DLG1: variants seen among roughly 807,000 people sequenced by gnomAD.
DLG1 encodes discs large MAGUK scaffold protein 1, also known as disks large homolog 1.
Under a neutral mutation model 123.4 loss-of-function variants are expected in DLG1, and 42 were observed. The ratio of observed to expected loss-of-function variants is 0.34; its 90% CI spans 0.27 to 0.44. The LOEUF is 0.44. Ranked by LOEUF, DLG1 falls within the 20% of genes least tolerant of loss-of-function variation. The pLI is 1.00. For synonymous variants in DLG1, 317 were observed against 356.2 expected (o/e 0.89, Z 1.24); for missense variants, 942 against 1,082.6 (o/e 0.87, Z 1.82).
intron 4 of DLG1, among the ~76,000 whole-genome samples, chr3:197,269,859 G>A (rs9835372): frequency 0.17 from 25,504 of 152,136 alleles, 2,368 homozygotes; most frequent in African/African-American, 0.24. Context: ...TGTGGAACAC[G>A]TGAGTTTAAG....
chr3:197,183,604 A>C, intron 5 of DLG1: 1 of 1,550,482 alleles, frequency 6.4e-7, no homozygotes, highest in Non-Finnish European at 8.7e-7. Context: ...ACCGAGATGC[A>C]GTCAATAAAG....
At chr3:197,293,266 A>C (rs1349386960) in intron 3 of DLG1, among the ~76,000 whole-genome samples, 1 of 152,214 alleles carries the variant, frequency 6.6e-6, no homozygotes, top group African/African-American at 2.4e-5. Context: ...AACTTTAAAT[A>C]TTTAGCTCTA....
At chr3:197,150,784 A>G (rs1242819718) in intron 5 of DLG1, among the ~76,000 whole-genome samples, 1 of 152,066 alleles carries the variant, frequency 6.6e-6, no homozygotes, top group Non-Finnish European at 1.5e-5. Context: ...TTCAAATAAC[A>G]CATTATTTTC....
intron 4 of DLG1, among the ~76,000 whole-genome samples, chr3:197,233,391 T>TA (rs1744264991): frequency 6.6e-6 from 1 of 152,188 alleles, no homozygotes; most frequent in Non-Finnish European, 1.5e-5. Context: ...TTTAAAAACT[T>TA]AAATTCTTTT....
At chr3:197,171,630 T>A (rs1431645786) in intron 5 of DLG1, among the ~76,000 whole-genome samples, 2 of 152,196 alleles carry the variant, frequency 1.3e-5, no homozygotes, top group Non-Finnish European at 1.5e-5. Flanking sequence ...TCTCTACCTG[T>A]GAGACTCACA....
chr3:197,057,856 T>C (rs978039498), intron 23 of DLG1, among the ~76,000 whole-genome samples: 1 of 152,224 alleles, frequency 6.6e-6, no homozygotes, highest in Non-Finnish European at 1.5e-5. Context: ...TAATGGTTTA[T>C]TGTATTTTAT....
chr3:197,170,510 C>T (rs981889865), intron 5 of DLG1, among the ~76,000 whole-genome samples: 8 of 152,030 alleles, frequency 5.3e-5, no homozygotes, highest in East Asian at 1.9e-4. Flanking sequence ...TGATCAGTGA[C>T]GCTAAGCTCT....
chr3:197,089,445 T>G (rs1756397666), intron 15 of DLG1, among the ~76,000 whole-genome samples: 1 of 151,656 alleles, frequency 6.6e-6, no homozygotes, highest in South Asian at 2.1e-4. Flanking sequence ...AAGGATCCCT[T>G]GAACCCGGGA....
Position 197,126,467 on chromosome 3 carries a change from T to TAA in DLG1, c.1165+4058_1165+4059dup, listed in dbSNP as rs199610067. ...GGGCAACAAGAGCGAAACTCCATCT[T>TAA]AAAAAAAAAAAACAACATAATCATA... On this transcript the variant is annotated intron_variant, in intron 11 of 24. Coordinates refer to ENST00000667157, the MANE Select transcript of DLG1 (RefSeq NM_001366207.1). 8.5e-3 allele frequency among the ~76,000 whole-genome samples: 1,212 copies of TAA among 142,404 alleles called. 13 individuals are homozygous for TAA. The highest frequency in any genetic ancestry group is 0.028 in the African/African-American group (1,100 of 38,938). 93.4% of individuals were successfully genotyped at this position (142,404 alleles called of 152,430 possible).
intron 4 of DLG1, among the ~76,000 whole-genome samples, chr3:197,227,200 T>A (rs1740396153): frequency 6.6e-6 from 1 of 152,138 alleles, no homozygotes; most frequent in African/African-American, 2.4e-5. Context: ...CTGTCAACTT[T>A]TACAAAACTG....
intron 5 of DLG1, chr3:197,161,634 A>G: frequency 7.0e-7 from 1 of 1,438,634 alleles, no homozygotes; most frequent in Non-Finnish European, 9.2e-7. Flanking sequence ...AGAAACTAAT[A>G]AAAACCTGTG....
At position 197,140,183 on chromosome 3, in the gene DLG1, T is replaced by G; in HGVS notation, c.670A>C (p.Lys224Gln). The change falls in exon 8 of 25, where the codon AAA (lysine) becomes CAA (glutamine). Residue 224 changes from lysine to glutamine, a missense_variant. Coordinates refer to ENST00000667157, the MANE Select transcript of DLG1 (RefSeq NM_001366207.1). ...GCGGCTGCTCCCCCTGTGATAATTTTGGTAATGAAAATACTTGAGTCATCT... is the reference window on the plus strand; with the variant it reads ...GCGGCTGCTCCCCCTGTGATAATTTGGGTAATGAAAATACTTGAGTCATCT... ...IGDDSSIFIT[K>Q]IITGGAAAQD... 1.2e-6 allele frequency: 2 copies of G among 1,613,578 alleles called. No individual in the cohort carries two copies. Among genetic ancestry groups the G allele is most frequent in the Non-Finnish European group, 1.7e-6 (2 of 1,179,706 alleles).
At chr3:197,217,865 T>G (rs1028690264) in intron 4 of DLG1, among the ~76,000 whole-genome samples, 1 of 152,152 alleles carries the variant, frequency 6.6e-6, no homozygotes, top group African/African-American at 2.4e-5. Flanking sequence ...TTGATTATAG[T>G]GATGGTTTCA....
chr3:197,193,738 A>G (rs1435507550), intron 5 of DLG1, among the ~76,000 whole-genome samples: 1 of 152,152 alleles, frequency 6.6e-6, no homozygotes, highest in Non-Finnish European at 1.5e-5. Context: ...GGGTAAATAT[A>G]CTCAGGATTA....
intron 11 of DLG1, among the ~76,000 whole-genome samples, chr3:197,121,077 A>C (rs1394003198): frequency 6.6e-6 from 1 of 151,966 alleles, no homozygotes; most frequent in East Asian, 1.9e-4. Flanking sequence ...GAAACAAAAA[A>C]AACAACTAGA....
intron 24 of DLG1, among the ~76,000 whole-genome samples, chr3:197,050,811 T>C (rs548499064): frequency 2.4e-4 from 37 of 152,190 alleles, no homozygotes; most frequent in Non-Finnish European, 3.5e-4. Flanking sequence ...CACAAAATGG[T>C]AACTGTGTGG....
intron 11 of DLG1, among the ~76,000 whole-genome samples, chr3:197,127,609 G>A (rs1395349117): frequency 6.7e-6 from 1 of 149,602 alleles, no homozygotes; most frequent in Non-Finnish European, 1.5e-5. Context: ...AAGATAAATA[G>A]TATCTCTCCT....
At chr3:197,088,787 T>C (rs1426246627) in intron 15 of DLG1, among the ~76,000 whole-genome samples, 1 of 152,082 alleles carries the variant, frequency 6.6e-6, no homozygotes, top group Non-Finnish European at 1.5e-5. Flanking sequence ...GTAGTAAGAA[T>C]ATGAAAAATC....
At chr3:197,162,403 G>C (rs548839606) in intron 5 of DLG1, among the ~76,000 whole-genome samples, 1 of 152,032 alleles carries the variant, frequency 6.6e-6, no homozygotes, top group Non-Finnish European at 1.5e-5. Context: ...TTAGTAATAA[G>C]ACCCATTTGC....
Sources: allele counts gnomAD v4.1 joint callset (sites outside exome capture counted in the v4.1 genomes callset), GRCh38; gene constraint gnomAD v4.1.1; transcripts MANE v1.5; gene names NCBI Gene and HGNC (gene_info 2026-07-23, HGNC 2026-07-21).